The following PELI1 variants were observed in gnomAD, a reference collection of about 807,000 sequenced individuals.
The protein encoded by PELI1 is pellino E3 ubiquitin protein ligase 1.
PELI1 carries 15 observed loss-of-function variants against 41.3 expected under a neutral mutation model. That is an observed-to-expected ratio of 0.36 (90% CI 0.24 to 0.56). The LOEUF (loss-of-function observed/expected upper bound fraction) is 0.56, where lower values mean the gene tolerates loss of function less well. PELI1 is among the 20% of genes least tolerant of loss of function. The pLI is 0.82. For synonymous variants in PELI1, 178 were observed against 180.1 expected (o/e 0.99, Z 0.09); for missense variants, 403 against 525.5 (o/e 0.77, Z 2.28).
chr2:64,128,385 A>G (rs1466398800), intron 1 of PELI1, among the ~76,000 whole-genome samples: 1 of 152,202 alleles, frequency 6.6e-6, no homozygotes, highest in African/African-American at 2.4e-5. Context: ...TAGTATTAAA[A>G]GTAAATAAAG....
At chr2:64,116,900 T>C (rs986904569) in intron 1 of PELI1, among the ~76,000 whole-genome samples, 6 of 152,204 alleles carry the variant, frequency 3.9e-5, no homozygotes, top group Non-Finnish European at 7.3e-5. Flanking sequence ...TCACAATATT[T>C]CAAACTTTTT....
Position 64,138,090 on chromosome 2 carries a change from G to T in PELI1, c.-70+5991C>A, listed in dbSNP as rs75211201. On this transcript the variant is annotated intron_variant, in intron 1 of 6. Transcript: ENST00000358912. ...CTCACGCTCACCCTGATCTAGTTAC[G>T]CTAGTTTTTTTTGTTTTGTTTTGTT... Among the ~76,000 whole-genome samples the T allele has an allele frequency of 4.2e-3, 636 of 152,002 alleles. 11 individuals are homozygous for T. The highest frequency in any genetic ancestry group is 0.031 in the Admixed American group (476 of 15,270).
intron 1 of PELI1, among the ~76,000 whole-genome samples, chr2:64,125,253 T>G (rs1428032585): frequency 6.6e-6 from 1 of 152,138 alleles, no homozygotes; most frequent in South Asian, 2.1e-4. Context: ...ACCCTCTTAA[T>G]TTCTTGGTCC....
chr2:64,105,279 T>C (rs1286835783), intron 2 of PELI1, among the ~76,000 whole-genome samples: 3 of 152,204 alleles, frequency 2.0e-5, no homozygotes, highest in Admixed American at 6.5e-5. Flanking sequence ...AGCTGAACTT[T>C]TGAAGTAAGG....
At chr2:64,136,244 G>A (rs1681713556) in intron 1 of PELI1, among the ~76,000 whole-genome samples, 2 of 151,952 alleles carry the variant, frequency 1.3e-5, no homozygotes, top group Admixed American at 1.3e-4. Flanking sequence ...CAGAGTTAAT[G>A]GAAAGCCCAG....
intron 1 of PELI1, among the ~76,000 whole-genome samples, chr2:64,128,416 T>G (rs1176099501): frequency 6.6e-6 from 1 of 152,170 alleles, no homozygotes; most frequent in Non-Finnish European, 1.5e-5. Context: ...TATATTTTTC[T>G]CCTTTTGAAC....
At chr2:64,121,548 ATATT>A (rs1681210934) in intron 1 of PELI1, among the ~76,000 whole-genome samples, 1 of 151,990 alleles carries the variant, frequency 6.6e-6, no homozygotes, top group South Asian at 2.1e-4. Context: ...TCTTGAGGAA[ATATT>A]TTTTTTCTTA....
At chr2:64,137,713 C>T (rs1681763389) in intron 1 of PELI1, among the ~76,000 whole-genome samples, 1 of 152,110 alleles carries the variant, frequency 6.6e-6, no homozygotes, top group African/African-American at 2.4e-5. Context: ...AAGTTACTTC[C>T]CATTTTCTTT....
intron 1 of PELI1, among the ~76,000 whole-genome samples, chr2:64,127,652 C>G (rs1340145403): frequency 6.6e-6 from 1 of 151,940 alleles, no homozygotes; most frequent in East Asian, 1.9e-4. Context: ...TAACTTTTTC[C>G]CCAACCCTCT....
intron 1 of PELI1, among the ~76,000 whole-genome samples, chr2:64,113,282 C>T (rs1680882923): frequency 7.0e-6 from 1 of 143,688 alleles, no homozygotes; most frequent in Admixed American, 7.1e-5. Context: ...CGGAGAGAAA[C>T]TCTGTCTCAA....
In PELI1 at chr2:64,093,640, T is replaced by C. The variant is rs1014726490; in HGVS notation, c.*1062A>G. On this transcript the variant is annotated 3_prime_UTR_variant, in exon 7 of 7. Coordinates refer to ENST00000358912, the MANE Select transcript of PELI1 (RefSeq NM_020651.4). ...TTCAAACCCAGAGTTAAGGCTGGTC[T>C]GCTAAAAACGGGGGCACTATTGTCA... is the stretch of plus-strand genomic sequence containing the variant. 1 of 152,670 alleles carries C rather than the reference T, an allele frequency of 6.6e-6. No homozygotes were observed. Among genetic ancestry groups the C allele is most frequent in the Admixed American group, 6.5e-5 (1 of 15,288 alleles). The allele number at this position is 152,670 out of a possible 1,614,324, so 9.5% of individuals were successfully genotyped here.
chr2:64,138,791 T>C (rs1681802821), intron 1 of PELI1, among the ~76,000 whole-genome samples: 1 of 152,128 alleles, frequency 6.6e-6, no homozygotes, highest in African/African-American at 2.4e-5. Flanking sequence ...CATACACATA[T>C]CCCATTTATT....
intron 4 of PELI1, among the ~76,000 whole-genome samples, chr2:64,097,574 A>T (rs1255931771): frequency 2.0e-5 from 3 of 152,228 alleles, no homozygotes; most frequent in African/African-American, 7.2e-5. Context: ...AAGGAAATCA[A>T]TGGGGAGATG....
chr2:64,125,930 A>G (rs1439929637), intron 1 of PELI1, among the ~76,000 whole-genome samples: 1 of 152,248 alleles, frequency 6.6e-6, no homozygotes, highest in Admixed American at 6.5e-5. Context: ...TATAAGGTGT[A>G]TATGAAACAT....
intron 2 of PELI1, among the ~76,000 whole-genome samples, chr2:64,107,682 A>T (rs564528658): frequency 2.1e-5 from 3 of 145,396 alleles, no homozygotes; most frequent in African/African-American, 7.5e-5. Flanking sequence ...ATTTCATTTC[A>T]TTTTTTTTTT....
In PELI1 at chr2:64,100,379, AT is replaced by A; in HGVS notation, c.303+18del. 1 of 1,303,330 alleles carries A rather than the reference AT, an allele frequency of 7.7e-7. No individual in the cohort carries two copies. The highest frequency in any genetic ancestry group is 1.1e-6 in the Non-Finnish European group (1 of 903,578). The allele number at this position is 1,303,330 out of a possible 1,614,324, so 80.7% of individuals were successfully genotyped here. On this transcript the variant is annotated intron_variant, in intron 4 of 6. Coordinates refer to ENST00000358912, the MANE Select transcript of PELI1 (RefSeq NM_020651.4). ...ACTTTTTCGTTTCTTAAGAAAAAAA[AT>A]TTAAGATGTTGTAATACCTGAAACA...
At chr2:64,128,811 GGTTT>G (rs1164886305) in intron 1 of PELI1, among the ~76,000 whole-genome samples, 51 of 152,080 alleles carry the variant, frequency 3.4e-4, no homozygotes, top group African/African-American at 1.2e-3. Flanking sequence ...CAAACTCTTG[GGTTT>G]TATGTAAGTT....
Position 64,096,505 on chromosome 2 carries a change from A to G in PELI1, c.409T>C (p.Phe137Leu), listed in dbSNP as rs1237857547. The G allele has an allele frequency of 2.5e-6, 4 of 1,612,006 alleles. No individual in the cohort carries two copies. The South Asian group carries it at 4.4e-5, about 18-fold the overall frequency. ...CGTTCACATATGATTCTGCAGGCAAATCTTGATATAGTGCTTTGTACTGAC... is the reference window on the plus strand; with the variant it reads ...CGTTCACATATGATTCTGCAGGCAAGTCTTGATATAGTGCTTTGTACTGAC... ...TQSVQSTISR[F>L]ACRIICERNP... The change falls in exon 5 of 7, where the codon TTT (phenylalanine) becomes CTT (leucine). Residue 137 changes from phenylalanine (F) to leucine (L), a missense_variant. Phe to Leu is a conservative substitution (Grantham distance 22). Transcript: ENST00000358912.
At chr2:64,099,037 A>G (rs1217138657) in intron 4 of PELI1, among the ~76,000 whole-genome samples, 1 of 152,156 alleles carries the variant, frequency 6.6e-6, no homozygotes. Flanking sequence ...TTTGCCCCCA[A>G]GTAACTCTAT....
Sources: allele counts gnomAD v4.1 joint callset (sites outside exome capture counted in the v4.1 genomes callset), GRCh38; gene constraint gnomAD v4.1.1; transcripts MANE v1.5; gene names NCBI Gene and HGNC (gene_info 2026-07-23, HGNC 2026-07-21).